Variants in CCDC91 observed in about 807,000 individuals in gnomAD.
CCDC91 encodes coiled-coil domain containing 91.
Under a neutral mutation model 63.2 loss-of-function variants are expected in CCDC91, and 48 were observed. The ratio of observed to expected loss-of-function variants is 0.76; its 90% confidence interval spans 0.60 to 0.97. The LOEUF (loss-of-function observed/expected upper bound fraction) is 0.97. CCDC91 is among the 50% of genes least tolerant of loss of function. The pLI is 0.00. For synonymous variants in CCDC91, 167 were observed against 165.8 expected, an observed-to-expected ratio of 1.01 and a Z score of -0.06; for missense variants, 500 against 494.6, an observed-to-expected ratio of 1.01 and a Z score of -0.10.
intron 11 of CCDC91, among the ~76,000 whole-genome samples, chr12:28,456,013 A>G (rs1950042633): frequency 6.6e-6 from 1 of 152,148 alleles, no homozygotes; most frequent in Non-Finnish European, 1.5e-5. Context: ...CCACTACTCT[A>G]TTCCATCTCC....
At chr12:28,216,927 C>T (rs1943595600) in intron 1 of CCDC91, among the ~76,000 whole-genome samples, 3 of 152,062 alleles carry the variant, frequency 2.0e-5, no homozygotes, top group Admixed American at 1.3e-4. Flanking sequence ...ATTGCACTTA[C>T]ACTTAAAGAC....
chr12:28,467,258 A>T (rs1408814490), intron 11 of CCDC91, among the ~76,000 whole-genome samples: 1 of 152,100 alleles, frequency 6.6e-6, no homozygotes. Flanking sequence ...AGACTGAAGA[A>T]AAAGGGATGG....
intron 1 of CCDC91, among the ~76,000 whole-genome samples, chr12:28,211,248 C>T (rs1943211977): frequency 6.6e-6 from 1 of 151,798 alleles, no homozygotes; most frequent in Non-Finnish European, 1.5e-5. Flanking sequence ...GAAATTCTTA[C>T]CCCTTTGCCA....
At chr12:28,378,367 G>A (rs1420099676) in intron 7 of CCDC91, among the ~76,000 whole-genome samples, 1 of 152,040 alleles carries the variant, frequency 6.6e-6, no homozygotes, top group Non-Finnish European at 1.5e-5. Context: ...CCACTTGCTA[G>A]TATTTTATTT....
chr12:28,366,304 C>G (rs1410753717), intron 7 of CCDC91, among the ~76,000 whole-genome samples: 1 of 152,044 alleles, frequency 6.6e-6, no homozygotes, highest in Non-Finnish European at 1.5e-5. Context: ...CCTTTTTGTC[C>G]CACTAAAGCA....
chr12:28,438,910 A>G (rs749481560), intron 8 of CCDC91, among the ~76,000 whole-genome samples: 3 of 152,224 alleles, frequency 2.0e-5, no homozygotes, highest in Non-Finnish European at 4.4e-5. Context: ...TCACTTGAAA[A>G]TGGTTGAAAC....
At chr12:28,336,654 A>C (rs1187399105) in intron 6 of CCDC91, among the ~76,000 whole-genome samples, 3 of 152,230 alleles carry the variant, frequency 2.0e-5, no homozygotes, top group Middle Eastern at 3.4e-3. Context: ...TCATTCCTAG[A>C]AATGAAGAGT....
chr12:28,202,167 T>G (rs1942504697), intron 1 of CCDC91, among the ~76,000 whole-genome samples: 1 of 152,242 alleles, frequency 6.6e-6, no homozygotes, highest in Admixed American at 6.5e-5. Context: ...TTATCATACT[T>G]CATATATGGT....
At chr12:28,327,930 A>G (rs1188097687) in intron 6 of CCDC91, among the ~76,000 whole-genome samples, 2 of 152,120 alleles carry the variant, frequency 1.3e-5, no homozygotes, top group African/African-American at 4.8e-5. Context: ...AGATAAGCAG[A>G]GTTAAGGTGA....
rs1951586385 is a variant in CCDC91 at position 28,484,039 on chromosome 12, C to T, written c.1102-13C>T. 6.3e-7 allele frequency: 1 copy of T among 1,577,336 alleles called. No homozygotes were observed. Among genetic ancestry groups the T allele is most frequent in the Non-Finnish European group, 8.7e-7 (1 of 1,151,496 alleles). On this transcript the variant is annotated splice_polypyrimidine_tract_variant and intron_variant, in intron 11 of 12. Coordinates refer to ENST00000536442, the MANE Select transcript of CCDC91 (RefSeq NM_018318.5). ...CTCACCTCCCTGACTGTTTTGCCTT[C>T]TCCCACAAACAGGAAACTGTTAAGG...
intron 3 of CCDC91, among the ~76,000 whole-genome samples, chr12:28,273,166 A>T (rs1293379153): frequency 6.6e-6 from 1 of 152,138 alleles, no homozygotes; most frequent in Non-Finnish European, 1.5e-5. Flanking sequence ...AAAGGACATG[A>T]ACTCATCCTT....
At chr12:28,502,042 T>G (rs555200343) in intron 12 of CCDC91, among the ~76,000 whole-genome samples, 2 of 151,840 alleles carry the variant, frequency 1.3e-5, no homozygotes, top group African/African-American at 4.8e-5. Context: ...TCTGTGGGAT[T>G]GGTGGTGATA....
intron 12 of CCDC91, among the ~76,000 whole-genome samples, chr12:28,531,832 C>T (rs1274179851): frequency 6.6e-6 from 1 of 152,102 alleles, no homozygotes; most frequent in Non-Finnish European, 1.5e-5. Context: ...ATCAGAATCT[C>T]TGCGTTTCTA....
At chr12:28,379,303 G>A (rs1053910111) in intron 7 of CCDC91, among the ~76,000 whole-genome samples, 9 of 151,810 alleles carry the variant, frequency 5.9e-5, no homozygotes. Flanking sequence ...TGACAAATGG[G>A]ATCTAATTAA....
At chr12:28,508,941 A>T (rs1939057322) in intron 12 of CCDC91, among the ~76,000 whole-genome samples, 1 of 151,926 alleles carries the variant, frequency 6.6e-6, no homozygotes, top group African/African-American at 2.4e-5. Flanking sequence ...GGATTACAGG[A>T]TATGATCTCC....
At chr12:28,421,544 C>CTT (rs77369550) in intron 8 of CCDC91, among the ~76,000 whole-genome samples, 2,631 of 144,258 alleles carry the variant, frequency 0.018, 80 homozygotes, top group African/African-American at 0.063. Context: ...TGATCTCTTT[C>CTT]TTTTTTTTTT....
At chr12:28,313,943 C>T (rs1188667337) in intron 6 of CCDC91, among the ~76,000 whole-genome samples, 4 of 152,024 alleles carry the variant, frequency 2.6e-5, no homozygotes, top group Admixed American at 6.6e-5. Context: ...ACTCAGGAAA[C>T]TTGGCAGCTC....
At chr12:28,516,108 T>G (rs1359917696) in intron 12 of CCDC91, among the ~76,000 whole-genome samples, 2 of 151,972 alleles carry the variant, frequency 1.3e-5, no homozygotes, top group Non-Finnish European at 2.9e-5. Flanking sequence ...TCATCAGTAA[T>G]GTGCTCAGAC....
chr12:28,245,741 AG>A (rs1945691671), intron 1 of CCDC91, among the ~76,000 whole-genome samples: 1 of 152,198 alleles, frequency 6.6e-6, no homozygotes, highest in Non-Finnish European at 1.5e-5. Context: ...ATTAATGATC[AG>A]GGAAGTCAAA....
Sources: gnomAD v4.1 joint callset for allele counts (sites outside exome capture counted in the v4.1 genomes callset) on GRCh38, gnomAD v4.1.1 for gene constraint, MANE v1.5 for transcripts, NCBI Gene and HGNC (gene_info 2026-07-23, HGNC 2026-07-21) for gene names.